Variants in RDX observed in about 807,000 individuals in gnomAD.
RDX encodes the protein deafness, autosomal recessive 24.
A neutral mutation model predicts 83.7 loss-of-function variants in RDX; 32 were observed. The ratio of observed to expected loss-of-function variants is 0.38; its 90% CI spans 0.29 to 0.51. RDX has a LOEUF of 0.51. RDX is among the 20% of genes least tolerant of loss of function. The pLI, the probability that RDX is intolerant of heterozygous loss-of-function variation, is 0.87. For missense variants in RDX, 600 were observed against 689.9 expected (o/e 0.87, Z 1.46); for synonymous variants, 229 against 222.7 (o/e 1.03, Z -0.25).
rs375047913 is a variant in RDX at position 110,254,118 on chromosome 11, A to G, written c.796-9T>C. 9.4e-5 allele frequency: 151 copies of G among 1,611,668 alleles called. No homozygotes were observed. In the African/African-American group the frequency reaches 1.5e-3, roughly 16 times the overall value. On this transcript the variant is annotated splice_polypyrimidine_tract_variant and intron_variant, in intron 8 of 13. Coordinates refer to ENST00000645495, the MANE Select transcript of RDX (RefSeq NM_002906.4). ...GCATAAAACACAAAATCCTAAACAT[A>G]AAGTATTCTGAATTTAAAATCTTCC...
At chr11:110,243,772 C>A (rs1438198055) in intron 10 of RDX, among the ~76,000 whole-genome samples, 2 of 151,956 alleles carry the variant, frequency 1.3e-5, no homozygotes. Context: ...TAGAAAGACA[C>A]TCAACGTCAC....
chr11:110,202,607 T>TC (rs893797151), intron 14 of RDX, among the ~76,000 whole-genome samples: 4 of 150,660 alleles, frequency 2.7e-5, no homozygotes, highest in African/African-American at 9.7e-5. Context: ...TTTTTTTTTT[T>TC]TTTTTTGGTT....
chr11:110,267,436 C>T (rs1400924316), intron 3 of RDX, among the ~76,000 whole-genome samples: 1 of 150,996 alleles, frequency 6.6e-6, no homozygotes, highest in African/African-American at 2.4e-5. Flanking sequence ...TTGCTTGAGC[C>T]CAGGAGGCAG....
chr11:110,201,213 A>AAATG (rs1863389739), intron 14 of RDX, among the ~76,000 whole-genome samples: 1 of 151,844 alleles, frequency 6.6e-6, no homozygotes, highest in East Asian at 1.9e-4. Flanking sequence ...TGTCATTTCA[A>AAATG]AATGTATAGC....
chr11:110,215,223 G>T (rs1486789473), intron 14 of RDX, among the ~76,000 whole-genome samples: 4 of 149,948 alleles, frequency 2.7e-5, no homozygotes, highest in Admixed American at 2.0e-4. Flanking sequence ...TTGGCCGGGC[G>T]TGATGGGTGG....
intron 10 of RDX, among the ~76,000 whole-genome samples, chr11:110,238,910 G>A (rs1285217530): frequency 7.1e-6 from 1 of 140,854 alleles, no homozygotes; most frequent in Non-Finnish European, 1.5e-5. Context: ...GGGCGACGGA[G>A]CAAGACTCTG....
chr11:110,286,442 C>A (rs542452950), intron 1 of RDX, among the ~76,000 whole-genome samples: 1 of 152,278 alleles, frequency 6.6e-6, no homozygotes, highest in East Asian at 1.9e-4. Flanking sequence ...CTACCTAATG[C>A]AATGGAAAAA....
At chr11:110,215,677 T>C (rs186405828) in intron 14 of RDX, among the ~76,000 whole-genome samples, 88 of 152,320 alleles carry the variant, frequency 5.8e-4, no homozygotes, top group African/African-American at 2.0e-3. Flanking sequence ...CTTTGAGTTA[T>C]GCAGACAAAA....
intron 9 of RDX, among the ~76,000 whole-genome samples, chr11:110,251,949 A>G (rs919369755): frequency 6.6e-6 from 1 of 152,208 alleles, no homozygotes; most frequent in Non-Finnish European, 1.5e-5. Flanking sequence ...CACAGGCAGC[A>G]TACCTCTGGG....
At chr11:110,273,305 T>G (rs1860375826) in intron 2 of RDX, among the ~76,000 whole-genome samples, 1 of 152,270 alleles carries the variant, frequency 6.6e-6, no homozygotes, top group Non-Finnish European at 1.5e-5. Context: ...CCCATATTTC[T>G]TTCAACATGA....
At position 110,231,818 on chromosome 11, in the gene RDX, T is replaced by A. The variant is rs765513561; in HGVS notation, c.*51A>T. On this transcript the variant is annotated 3_prime_UTR_variant, in exon 14 of 14. Transcript: ENST00000645495. ...CATCATATCTGCAAAGGCCTGCTTT[T>A]CTCTGTTGGTGGTTCAGCTTATGAA... The A allele has an allele frequency of 5.6e-6, 9 of 1,604,828 alleles. No homozygotes were observed. Among genetic ancestry groups the A allele is most frequent in the Non-Finnish European group, 6.8e-6 (8 of 1,175,244 alleles).
intron 1 of RDX, among the ~76,000 whole-genome samples, chr11:110,296,127 G>A (rs936397683): frequency 6.6e-6 from 1 of 152,216 alleles, no homozygotes; most frequent in African/African-American, 2.4e-5. Context: ...AGGGCGCTGG[G>A]GGTCCGACAC....
Position 110,233,294 on chromosome 11 carries a change from G to A in RDX, c.1530C>T (p.Ser510=), listed in dbSNP as rs192239366. 137 of 1,613,840 alleles carry A rather than the reference G, an allele frequency of 8.5e-5. No homozygotes were observed. The East Asian group carries it at 2.4e-3, about 28-fold the overall frequency. Residue 510 remains serine, a synonymous_variant, in exon 13 of 14, where the codon AGC becomes AGT. Coordinates refer to ENST00000645495, the MANE Select transcript of RDX (RefSeq NM_002906.4). The part of the protein sequence containing the change: ...LSNEGVMNHR[S]EEERVTETQK... ...GTGTTTCGGTTACACGTTCTTCCTC[G>A]CTTCTATGGTTCATTACCCCTTCAT...
intron 13 of RDX, 75 bp from the exon 14 acceptor site, chr11:110,232,108 T>G: frequency 8.6e-7 from 1 of 1,167,756 alleles, no homozygotes; most frequent in South Asian, 1.3e-5. Context: ...GGCTTTAAGA[T>G]GCAAAAATAC....
At chr11:110,294,534 A>G (rs1241126689) in intron 1 of RDX, among the ~76,000 whole-genome samples, 3 of 152,196 alleles carry the variant, frequency 2.0e-5, no homozygotes, top group Non-Finnish European at 4.4e-5. Context: ...GTAAAAATTT[A>G]TCGACTTAAA....
exon 16 of RDX, chr11:110,174,989 A>G (rs1369320288): frequency 2.0e-5 from 3 of 152,250 alleles, no homozygotes; most frequent in Admixed American, 1.3e-4. Flanking sequence ...GCTTTCATGT[A>G]CAAACACCTG....
At chr11:110,278,282 A>T (rs1015784634) in intron 2 of RDX, among the ~76,000 whole-genome samples, 1 of 151,806 alleles carries the variant, frequency 6.6e-6, no homozygotes, top group African/African-American at 2.4e-5. Context: ...ATATCCATAT[A>T]TTAATATATT....
rs190571960 is a variant in RDX, at chr11:110,253,268, G to A, written c.959+678C>T. Among the ~76,000 whole-genome samples the A allele has an allele frequency of 2.0e-3, 310 of 151,886 alleles. 1 individual carries two copies. The highest frequency in any genetic ancestry group is 4.8e-3 in the African/African-American group (199 of 41,444). The stretch of plus-strand genomic sequence containing the variant: ...CTTACTCTATTTCTTAGACTATCAC[G>A]TTGTTCCATAAAGATTTATTCAATA... On this transcript the variant is annotated intron_variant, in intron 9 of 13. Transcript: ENST00000645495.
chr11:110,195,190 T>C (rs1013472951), intron 15 of RDX, among the ~76,000 whole-genome samples: 1 of 151,934 alleles, frequency 6.6e-6, no homozygotes, highest in Admixed American at 6.6e-5. Context: ...GGTCTCGCTC[T>C]CTTGACCTCG....
Sources: gnomAD v4.1 joint callset for allele counts (sites outside exome capture counted in the v4.1 genomes callset) on GRCh38, gnomAD v4.1.1 for gene constraint, MANE v1.5 for transcripts, NCBI Gene and HGNC (gene_info 2026-07-23, HGNC 2026-07-21) for gene names.